SLC38A6: variants seen among roughly 807,000 people sequenced by gnomAD.
SLC38A6 encodes solute carrier family 38 member 6.
SLC38A6 carries 73 observed loss-of-function variants against 65.0 expected under a neutral mutation model. The ratio of observed to expected loss-of-function variants is 1.12; its 90% CI spans 0.93 to 1.37. The LOEUF (loss-of-function observed/expected upper bound fraction) is 1.37, where lower values mean the gene tolerates loss of function less well. SLC38A6 is among the 40% of genes most tolerant of loss of function. SLC38A6 has a pLI of 0.00. For missense variants in SLC38A6, 561 were observed against 531.1 expected (o/e 1.06, Z -0.55); for synonymous variants, 183 against 178.8 (o/e 1.02, Z -0.19).
intron 12 of SLC38A6, among the ~76,000 whole-genome samples, chr14:61,047,140 G>A (rs569722442): frequency 1.3e-4 from 20 of 152,020 alleles, no homozygotes; most frequent in South Asian, 8.3e-4. Flanking sequence ...TATATTTAGG[G>A]ATCTTCAGCA....
At chr14:61,001,774 A>C (rs2038727875) in intron 3 of SLC38A6, among the ~76,000 whole-genome samples, 1 of 152,118 alleles carries the variant, frequency 6.6e-6, no homozygotes, top group South Asian at 2.1e-4. Context: ...TCCTTCTAAT[A>C]TTCATTAGTT....
rs1383625985 is a variant in SLC38A6, at chr14:61,052,418, A to G, written c.1360A>G (p.Ile454Val). 1.9e-6 allele frequency: 3 copies of G among 1,559,752 alleles called. No individual in the cohort carries two copies. ...FSLALIIFDWINK is the reference protein window; with the variant it reads ...FSLALIIFDWVNK ...TTTAGCACTCATCATTTTTGATTGG[A>G]TTAATAAATAAAAGAAATATTTTCC... Residue 454 changes from isoleucine to valine, a missense_variant, in exon 16 of 16, where the codon ATT becomes GTT. Coordinates refer to ENST00000267488, the MANE Select transcript of SLC38A6 (RefSeq NM_153811.3).
At position 61,013,828 on chromosome 14, in the gene SLC38A6, A is replaced by C. The variant is rs774757004; in HGVS notation, c.311-2076A>C. On this transcript the variant is annotated intron_variant, in intron 3 of 15. Coordinates refer to ENST00000267488, the MANE Select transcript of SLC38A6 (RefSeq NM_153811.3). ...GGCTGCCCTTAACATTTTTTCCTTC[A>C]TTTCAACTTTGGTGAATCTGACAAT... 1.1e-4 allele frequency among the ~76,000 whole-genome samples: 17 copies of C among 152,004 alleles called. 1 individual carries two copies. The highest frequency in any genetic ancestry group is 5.9e-5 in the Non-Finnish European group (4 of 68,010).
intron 3 of SLC38A6, among the ~76,000 whole-genome samples, chr14:61,004,043 G>A (rs1437008797): frequency 7.2e-5 from 11 of 152,062 alleles, no homozygotes; most frequent in Admixed American, 4.6e-4. Flanking sequence ...TCCCATTATT[G>A]TCAGAGTTGC....
At chr14:61,015,266 C>T (rs1171634588) in intron 3 of SLC38A6, among the ~76,000 whole-genome samples, 2 of 152,166 alleles carry the variant, frequency 1.3e-5, no homozygotes, top group Admixed American at 1.3e-4. Context: ...CCCGATTTTC[C>T]AGGTGCCGGC....
chr14:61,081,698 C>T (rs968742030), intron 16 of SLC38A6, among the ~76,000 whole-genome samples: 1 of 152,118 alleles, frequency 6.6e-6, no homozygotes, highest in African/African-American at 2.4e-5. Flanking sequence ...AAAAATTTCT[C>T]TCCTGAATCC....
chr14:61,049,697 G>T (rs1354309335), intron 12 of SLC38A6, among the ~76,000 whole-genome samples: 1 of 151,822 alleles, frequency 6.6e-6, no homozygotes. Flanking sequence ...TTTGTTTTTG[G>T]TTTCCCTCAA....
At chr14:61,015,584 A>C (rs1319548693) in intron 3 of SLC38A6, among the ~76,000 whole-genome samples, 7 of 152,260 alleles carry the variant, frequency 4.6e-5, no homozygotes, top group Non-Finnish European at 1.0e-4. Flanking sequence ...AACCGTCACT[A>C]CTGAGAAAAA....
At chr14:61,001,171 G>C (rs113173902) in intron 3 of SLC38A6, among the ~76,000 whole-genome samples, 2 of 152,178 alleles carry the variant, frequency 1.3e-5, no homozygotes. Flanking sequence ...GCCGGGGATT[G>C]GGGAGGGCAG....
At chr14:61,013,188 C>G (rs990798712) in intron 3 of SLC38A6, among the ~76,000 whole-genome samples, 3 of 152,138 alleles carry the variant, frequency 2.0e-5, no homozygotes, top group Non-Finnish European at 2.9e-5. Flanking sequence ...TCTATTTTAT[C>G]AGAGACTAGG....
At chr14:61,043,693 CTTTTTTTTTTTT>C (rs34559752) in intron 10 of SLC38A6, among the ~76,000 whole-genome samples, 190 bp downstream of exon 10, 9 of 107,326 alleles carry the variant, frequency 8.4e-5, no homozygotes, top group Non-Finnish European at 1.7e-4. Context: ...AAACAGCCAC[CTTTTTTTTTTTT>C]TTTTTTTTTT....
intron 5 of SLC38A6, among the ~76,000 whole-genome samples, chr14:61,023,912 G>A (rs2040476646): frequency 6.6e-6 from 1 of 151,864 alleles, no homozygotes; most frequent in African/African-American, 2.4e-5. Flanking sequence ...CTAGTACTTA[G>A]CACATAGTAT....
At chr14:61,013,770 G>A (rs2039770116) in intron 3 of SLC38A6, among the ~76,000 whole-genome samples, 1 of 152,184 alleles carries the variant, frequency 6.6e-6, no homozygotes, top group African/African-American at 2.4e-5. Context: ...AGTCTGATGG[G>A]CTTCCCATTG....
At chr14:61,028,360 CT>C (rs1290008471) in intron 5 of SLC38A6, among the ~76,000 whole-genome samples, 1 of 152,028 alleles carries the variant, frequency 6.6e-6, no homozygotes, top group Non-Finnish European at 1.5e-5. Context: ...AGTATTTTGT[CT>C]TTTTTCTTTT....
chr14:61,055,220 A>C (rs2042672976), downstream of SLC38A6, among the ~76,000 whole-genome samples: 3 of 74,350 alleles, frequency 4.0e-5, no homozygotes, highest in Admixed American at 2.8e-4. Flanking sequence ...GCACCCACTA[A>C]CGTGTCATCT....
chr14:61,041,246 T>A (rs566581915), intron 8 of SLC38A6, among the ~76,000 whole-genome samples: 8 of 152,324 alleles, frequency 5.3e-5, no homozygotes, highest in Non-Finnish European at 1.0e-4. Context: ...TGTTGTTGGG[T>A]CTCGTTTCAC....
chr14:61,066,365 G>C (rs1452962790), intron 15 of SLC38A6, among the ~76,000 whole-genome samples: 1 of 152,100 alleles, frequency 6.6e-6, no homozygotes, highest in Admixed American at 6.5e-5. Context: ...CTGTTGTCCT[G>C]CTTTGCCAAG....
chr14:60,992,435 C>T (rs1476503923), intron 3 of SLC38A6, among the ~76,000 whole-genome samples: 1 of 152,190 alleles, frequency 6.6e-6, no homozygotes, highest in African/African-American at 2.4e-5. Context: ...CCTAATTCTC[C>T]TTCCTTATTG....
At chr14:61,042,512 T>A (rs2041872947) in intron 8 of SLC38A6, among the ~76,000 whole-genome samples, 1 of 152,210 alleles carries the variant, frequency 6.6e-6, no homozygotes, top group Admixed American at 6.5e-5. Context: ...TTTTCATTGA[T>A]TAATTCTGGG....
Sources: gnomAD v4.1 joint callset for allele counts (sites outside exome capture counted in the v4.1 genomes callset) on GRCh38, gnomAD v4.1.1 for gene constraint, MANE v1.5 for transcripts, NCBI Gene and HGNC (gene_info 2026-07-23, HGNC 2026-07-21) for gene names.